Variants in AMMECR1 observed in about 807,000 individuals in gnomAD.
The protein encoded by AMMECR1 is nuclear protein AMMECR1.
A neutral mutation model predicts 22.5 loss-of-function variants in AMMECR1; 3 were observed. The ratio of observed to expected loss-of-function variants is 0.13; its 90% CI spans 0.06 to 0.35. The LOEUF (loss-of-function observed/expected upper bound fraction) is 0.35, where lower values mean the gene tolerates loss of function less well. Among genes scored for constraint, AMMECR1 ranks in the 10% least tolerant of loss-of-function variants. The pLI, the probability that AMMECR1 is intolerant of heterozygous loss-of-function variation, is 1.00. For missense variants in AMMECR1, 235 were observed against 278.7 expected, an observed-to-expected ratio of 0.84 and a Z score of 1.12; for synonymous variants, 130 against 116.7, an observed-to-expected ratio of 1.11 and a Z score of -0.74.
At chrX:110,229,360 A>C (rs2067550152) in intron 2 of AMMECR1, among the ~76,000 whole-genome samples, 1 of 112,400 alleles carries the variant, frequency 8.9e-6, no homozygotes, top group Admixed American at 9.4e-5. Flanking sequence ...GTCCTACTTT[A>C]CTTTTGTTTC....
chrX:110,431,712 C>T (rs193095074), intron 1 of AMMECR1, among the ~76,000 whole-genome samples: 17 of 111,742 alleles, frequency 1.5e-4, no homozygotes, highest in South Asian at 7.6e-4. Context: ...CCTGCTGGGG[C>T]GCATACAGCA....
chrX:110,434,240 G>T (rs992790925), intron 1 of AMMECR1, among the ~76,000 whole-genome samples: 2 of 111,798 alleles, frequency 1.8e-5, no homozygotes, highest in African/African-American at 3.3e-5. Context: ...AGTATTTGGG[G>T]TCAGCTATTC....
chrX:110,233,606 A>G (rs753977903), intron 2 of AMMECR1, among the ~76,000 whole-genome samples: 3 of 112,470 alleles, frequency 2.7e-5, no homozygotes, highest in Admixed American at 9.4e-5. Flanking sequence ...AACCGAATCC[A>G]GTAGCACATC....
chrX:110,240,667 C>T (rs1286141390), intron 2 of AMMECR1, among the ~76,000 whole-genome samples: 2 of 110,495 alleles, frequency 1.8e-5, no homozygotes, highest in African/African-American at 6.6e-5. Context: ...ATTGGATCAA[C>T]AAGACAGAAA....
Position 110,267,980 on chromosome X carries a change from A to T in AMMECR1, c.474-3381T>A, listed in dbSNP as rs765127333. The stretch of plus-strand genomic sequence containing the variant: ...TCAGAGCTTAAGTTGCTGGAGGACA[A>T]GCTGCATTTTACAAGGCAGCCTGAG... On this transcript the variant is annotated intron_variant, in intron 1 of 5. Coordinates refer to ENST00000262844, the MANE Select transcript of AMMECR1 (RefSeq NM_015365.3). Among the ~76,000 whole-genome samples the T allele has an allele frequency of 8.0e-5, 9 of 112,334 alleles. No homozygotes were observed. In the East Asian group the frequency reaches 2.5e-3, roughly 31 times the overall value.
intron 2 of AMMECR1, chrX:110,346,869 A>AGAATG: frequency 1.6e-6 from 1 of 640,596 alleles, no homozygotes; most frequent in Admixed American, 2.2e-5. Context: ...GAGCTGTTGA[A>AGAATG]CCACTTTCTT....
At chrX:110,379,399 AT>A (rs1180194189) in intron 2 of AMMECR1, among the ~76,000 whole-genome samples, 1 of 112,216 alleles carries the variant, frequency 8.9e-6, no homozygotes, top group Non-Finnish European at 1.9e-5. Flanking sequence ...TGCTACCTTC[AT>A]TTTAAGAGAC....
At chrX:110,335,969 A>C (rs2068139566) in intron 2 of AMMECR1, among the ~76,000 whole-genome samples, 1 of 111,735 alleles carries the variant, frequency 8.9e-6, no homozygotes. Context: ...ATTACCTTAG[A>C]GTAGGTGGTC....
At chrX:110,406,421 G>A (rs1465360616) in intron 2 of AMMECR1, among the ~76,000 whole-genome samples, 1 of 111,745 alleles carries the variant, frequency 8.9e-6, no homozygotes, top group Non-Finnish European at 1.9e-5. Flanking sequence ...CCATGTCCCT[G>A]CAAAGGACGT....
intron 2 of AMMECR1, among the ~76,000 whole-genome samples, chrX:110,408,317 C>G (rs981611284): frequency 8.9e-6 from 1 of 111,844 alleles, no homozygotes; most frequent in East Asian, 2.8e-4. Context: ...TGGTGGCTCT[C>G]AACTGAGACA....
chrX:110,232,684 A>C (rs1055782845), intron 2 of AMMECR1, among the ~76,000 whole-genome samples: 1 of 109,559 alleles, frequency 9.1e-6, no homozygotes, highest in African/African-American at 3.3e-5. Context: ...AGGTCAGGAG[A>C]TCGAGACCAT....
At chrX:110,199,773 G>T (rs1443794451) in intron 5 of AMMECR1, among the ~76,000 whole-genome samples, 1 of 111,076 alleles carries the variant, frequency 9.0e-6, no homozygotes, top group Non-Finnish European at 1.9e-5. Flanking sequence ...TGCTGCCACA[G>T]ATTCTTAGAT....
chrX:110,253,432 G>A (rs748255783), intron 2 of AMMECR1, among the ~76,000 whole-genome samples: 1 of 112,293 alleles, frequency 8.9e-6, no homozygotes, highest in Non-Finnish European at 1.9e-5. Context: ...GCAACAGTAT[G>A]AGAGGGTACA....
At chrX:110,424,270 G>T (rs185309305) in intron 2 of AMMECR1, among the ~76,000 whole-genome samples, 1 of 111,630 alleles carries the variant, frequency 9.0e-6, no homozygotes, top group African/African-American at 3.3e-5. Context: ...TTCATCCTTA[G>T]AAAAGTTTTC....
chrX:110,230,728 T>G (rs939226045), intron 2 of AMMECR1, among the ~76,000 whole-genome samples: 5 of 111,718 alleles, frequency 4.5e-5, no homozygotes, highest in African/African-American at 1.6e-4. Flanking sequence ...AACAACAAAC[T>G]TCTACGAGCT....
intron 2 of AMMECR1, among the ~76,000 whole-genome samples, chrX:110,395,966 G>A (rs1171942513): frequency 9.0e-6 from 1 of 111,668 alleles, no homozygotes; most frequent in Non-Finnish European, 1.9e-5. Context: ...ACAAAACTCT[G>A]CCCTTTCAAG....
chrX:110,220,871 T>G (rs1405668496), intron 2 of AMMECR1, among the ~76,000 whole-genome samples: 2 of 111,833 alleles, frequency 1.8e-5, no homozygotes, highest in East Asian at 5.6e-4. Context: ...ACCAAAGAGT[T>G]TGTGACAGTG....
intron 2 of AMMECR1, among the ~76,000 whole-genome samples, chrX:110,344,424 A>C (rs1210965516): frequency 8.9e-6 from 1 of 112,271 alleles, no homozygotes; most frequent in African/African-American, 3.2e-5. Context: ...CATTCAGGAC[A>C]TAGGCGTGGG....
intron 2 of AMMECR1, chrX:110,346,851 T>A: frequency 1.5e-6 from 1 of 652,654 alleles, no homozygotes. Context: ...GAGCCCGGCC[T>A]CCAGCTGGAG....
Sources: gnomAD v4.1 joint callset for allele counts (sites outside exome capture counted in the v4.1 genomes callset) on GRCh38, gnomAD v4.1.1 for gene constraint, MANE v1.5 for transcripts, NCBI Gene and HGNC (gene_info 2026-07-23, HGNC 2026-07-21) for gene names.